IL1RAPL1: variants seen among roughly 807,000 people sequenced by gnomAD.
IL1RAPL1 encodes interleukin 1 receptor accessory protein like 1, also known as interleukin-1 receptor accessory protein-like 1.
Under a neutral mutation model 48.4 loss-of-function variants are expected in IL1RAPL1, and 3 were observed. The ratio of observed to expected loss-of-function variants is 0.06; its 90% confidence interval spans 0.03 to 0.16. The LOEUF is 0.16. Among genes scored for constraint, IL1RAPL1 ranks in the 10% least tolerant of loss-of-function variants. The pLI, the probability that IL1RAPL1 is intolerant of heterozygous loss-of-function variation, is 1.00. For synonymous variants in IL1RAPL1, 185 were observed against 187.7 expected (o/e 0.99, Z 0.12); for missense variants, 349 against 530.6 (o/e 0.66, Z 3.36).
chrX:29,036,258 A>G (rs1926729615), intron 2 of IL1RAPL1, among the ~76,000 whole-genome samples: 1 of 112,400 alleles, frequency 8.9e-6, no homozygotes, highest in African/African-American at 3.2e-5. Flanking sequence ...CAAATATAAA[A>G]TAGTTACTAA....
At chrX:29,634,494 G>A (rs1193130838) in intron 5 of IL1RAPL1, among the ~76,000 whole-genome samples, 1 of 111,059 alleles carries the variant, frequency 9.0e-6, no homozygotes, top group Non-Finnish European at 1.9e-5. Flanking sequence ...TAATGGTGTA[G>A]ACTCCCTCCT....
intron 6 of IL1RAPL1, among the ~76,000 whole-genome samples, chrX:29,906,012 A>C (rs993671500): frequency 1.8e-5 from 2 of 110,885 alleles, no homozygotes; most frequent in African/African-American, 6.6e-5. Context: ...AATCACTATC[A>C]GACAGGAGAG....
intron 2 of IL1RAPL1, among the ~76,000 whole-genome samples, chrX:29,065,007 A>G (rs1012808398): frequency 2.7e-5 from 3 of 112,262 alleles, no homozygotes; most frequent in African/African-American, 9.7e-5. Flanking sequence ...TTAAGCCAAT[A>G]TATCTTTGTT....
chrX:28,888,443 G>A (rs1601945546), intron 2 of IL1RAPL1, among the ~76,000 whole-genome samples: 1 of 111,541 alleles, frequency 9.0e-6, no homozygotes, highest in East Asian at 2.8e-4. Context: ...AATTACCTCT[G>A]ATTGGTATGC....
chrX:29,270,050 G>A (rs748598826), intron 2 of IL1RAPL1, among the ~76,000 whole-genome samples: 1 of 110,645 alleles, frequency 9.0e-6, no homozygotes, highest in Admixed American at 9.6e-5. Flanking sequence ...TTTTTCACTT[G>A]GTGTAATTAT....
intron 3 of IL1RAPL1, among the ~76,000 whole-genome samples, chrX:29,360,014 A>G (rs1469086369): frequency 1.8e-5 from 2 of 110,923 alleles, no homozygotes; most frequent in African/African-American, 3.3e-5. Flanking sequence ...TCTCATCTCT[A>G]TATATGAGGG....
At chrX:29,039,685 C>G (rs1400532376) in intron 2 of IL1RAPL1, among the ~76,000 whole-genome samples, 1 of 106,329 alleles carries the variant, frequency 9.4e-6, no homozygotes, top group Non-Finnish European at 1.9e-5. Flanking sequence ...GGCTACAATC[C>G]AACTTAAGGA....
chrX:29,660,492 A>G (rs1925809532), intron 5 of IL1RAPL1, among the ~76,000 whole-genome samples: 1 of 111,926 alleles, frequency 8.9e-6, no homozygotes, highest in Admixed American at 9.5e-5. Context: ...TAAGTCTTTA[A>G]TCCATTTTGA....
chrX:29,074,293 C>A (rs1439292727), intron 2 of IL1RAPL1, among the ~76,000 whole-genome samples: 1 of 111,284 alleles, frequency 9.0e-6, no homozygotes, highest in African/African-American at 3.3e-5. Context: ...GAGGTTGTGG[C>A]GATGGATGGC....
At chrX:29,381,519 A>C (rs1192288825) in intron 3 of IL1RAPL1, among the ~76,000 whole-genome samples, 2 of 95,386 alleles carry the variant, frequency 2.1e-5, no homozygotes, top group African/African-American at 7.6e-5. Flanking sequence ...AAAAAAAAAA[A>C]AAAAAAAAAA....
chrX:29,463,270 T>C (rs757186795), intron 5 of IL1RAPL1, among the ~76,000 whole-genome samples: 2 of 110,949 alleles, frequency 1.8e-5, no homozygotes, highest in African/African-American at 6.6e-5. Flanking sequence ...TATTGGATGG[T>C]ATAGCTTTAC....
intron 2 of IL1RAPL1, among the ~76,000 whole-genome samples, chrX:28,859,679 A>G (rs1453298489): frequency 1.8e-5 from 2 of 109,618 alleles, no homozygotes; most frequent in Non-Finnish European, 3.8e-5. Context: ...TTTTTAAATC[A>G]TTTAATTTTT....
At chrX:29,778,333 C>T (rs186880688) in intron 6 of IL1RAPL1, among the ~76,000 whole-genome samples, 29 of 110,990 alleles carry the variant, frequency 2.6e-4, no homozygotes, top group Admixed American at 2.6e-3. Flanking sequence ...GGGGAAAATA[C>T]GTCATTTTGA....
chrX:28,821,919 G>A (rs951817996), intron 2 of IL1RAPL1, among the ~76,000 whole-genome samples: 3 of 111,183 alleles, frequency 2.7e-5, no homozygotes, highest in African/African-American at 9.8e-5. Context: ...ACACAGGGTC[G>A]GCTTTAAGCG....
chrX:29,792,247 G>A (rs1169416788), intron 6 of IL1RAPL1, among the ~76,000 whole-genome samples: 2 of 111,959 alleles, frequency 1.8e-5, no homozygotes, highest in Non-Finnish European at 3.8e-5. Flanking sequence ...AATAGCAAAG[G>A]AACTGACTGG....
chrX:29,312,423 C>G (rs1932739107), intron 3 of IL1RAPL1, among the ~76,000 whole-genome samples: 1 of 111,471 alleles, frequency 9.0e-6, no homozygotes, highest in African/African-American at 3.3e-5. Flanking sequence ...AAAACTCCAT[C>G]TAAAAAAACA....
intron 1 of IL1RAPL1, among the ~76,000 whole-genome samples, chrX:28,692,870 TC>T (rs1301771194): frequency 2.7e-5 from 3 of 111,671 alleles, no homozygotes; most frequent in Non-Finnish European, 3.8e-5. Flanking sequence ...TGTATACTCT[TC>T]TATTAATATT....
chrX:29,604,966 G>A (rs1467954939), intron 5 of IL1RAPL1, among the ~76,000 whole-genome samples: 1 of 109,466 alleles, frequency 9.1e-6, no homozygotes, highest in Non-Finnish European at 1.9e-5. Flanking sequence ...CATCCCCAAC[G>A]TCAGTGATTC....
At chrX:29,325,392 C>A (rs1468714595) in intron 3 of IL1RAPL1, among the ~76,000 whole-genome samples, 3 of 112,392 alleles carry the variant, frequency 2.7e-5, no homozygotes, top group Non-Finnish European at 5.6e-5. Context: ...CCTTATGCAG[C>A]TATTTAAAAT....
Sources: allele counts gnomAD v4.1 joint callset (sites outside exome capture counted in the v4.1 genomes callset), GRCh38; gene constraint gnomAD v4.1.1; transcripts MANE v1.5; gene names NCBI Gene and HGNC (gene_info 2026-07-23, HGNC 2026-07-21).